Variants in PLXDC2 observed in about 807,000 individuals in gnomAD.
The protein encoded by PLXDC2 is plexin domain-containing protein 2.
In PLXDC2, 40 loss-of-function variants were observed where a neutral mutation model predicts 68.9. The observed-to-expected ratio is 0.58, with a 90% confidence interval of 0.45 to 0.76. PLXDC2 has a LOEUF of 0.76. Among genes scored for constraint, PLXDC2 ranks in the 30% least tolerant of loss-of-function variants. The pLI, the probability that PLXDC2 is intolerant of heterozygous loss-of-function variation, is 0.00. For missense variants in PLXDC2, 644 were observed against 661.9 expected, an observed-to-expected ratio of 0.97 and a Z score of 0.30; for synonymous variants, 243 against 234.2, an observed-to-expected ratio of 1.04 and a Z score of -0.34.
chr10:20,157,106 A>C (rs1199201829), intron 6 of PLXDC2, among the ~76,000 whole-genome samples: 1 of 152,224 alleles, frequency 6.6e-6, no homozygotes. Context: ...ACTCTTAAAA[A>C]TTAGATTCAC....
At chr10:19,987,860 G>A (rs369002016) in intron 1 of PLXDC2, among the ~76,000 whole-genome samples, 3 of 152,008 alleles carry the variant, frequency 2.0e-5, no homozygotes, top group South Asian at 2.1e-4. Context: ...GAGCTACCGC[G>A]CCCAGCCGAT....
chr10:19,954,664 C>A (rs1834040160), intron 1 of PLXDC2, among the ~76,000 whole-genome samples: 1 of 152,030 alleles, frequency 6.6e-6, no homozygotes, highest in South Asian at 2.1e-4. Flanking sequence ...GTTCTATTTC[C>A]ATTTATTGAT....
chr10:19,861,117 C>T (rs1417124399), intron 1 of PLXDC2, among the ~76,000 whole-genome samples: 1 of 151,746 alleles, frequency 6.6e-6, no homozygotes, highest in African/African-American at 2.4e-5. Context: ...TCACTGCAAC[C>T]TCTGCCTCCC....
At chr10:19,959,973 A>T (rs1382185296) in intron 1 of PLXDC2, among the ~76,000 whole-genome samples, 2 of 152,172 alleles carry the variant, frequency 1.3e-5, no homozygotes, top group African/African-American at 4.8e-5. Flanking sequence ...AATCCACAGC[A>T]TCTTTGAGTC....
intron 1 of PLXDC2, among the ~76,000 whole-genome samples, chr10:19,964,161 A>T (rs993457902): frequency 1.3e-5 from 2 of 152,234 alleles, no homozygotes; most frequent in Non-Finnish European, 2.9e-5. Context: ...GGCTATTCCC[A>T]CCATGGCTGA....
chr10:20,145,710 C>T (rs534215153), intron 5 of PLXDC2, among the ~76,000 whole-genome samples: 6 of 152,032 alleles, frequency 3.9e-5, no homozygotes, highest in South Asian at 2.1e-4. Flanking sequence ...CCACCACGCC[C>T]GGCTAATTTT....
At chr10:19,874,642 T>G (rs991689191) in intron 1 of PLXDC2, among the ~76,000 whole-genome samples, 1 of 152,218 alleles carries the variant, frequency 6.6e-6, no homozygotes, top group East Asian at 1.9e-4. Flanking sequence ...ATGCGTTGGA[T>G]GCAGACAAGC....
intron 9 of PLXDC2, among the ~76,000 whole-genome samples, chr10:20,185,493 G>A (rs1290974694): frequency 6.6e-6 from 1 of 151,954 alleles, no homozygotes; most frequent in Non-Finnish European, 1.5e-5. Context: ...TTTTAAGATT[G>A]AAAGGAGAGA....
intron 1 of PLXDC2, among the ~76,000 whole-genome samples, chr10:19,855,558 G>A (rs1273181761): frequency 6.6e-6 from 1 of 152,056 alleles, no homozygotes; most frequent in African/African-American, 2.4e-5. Context: ...ATATTTTTCA[G>A]ATTTTGGAAT....
At chr10:20,218,935 C>T (rs552170479) in intron 11 of PLXDC2, 129 bp from the exon 12 acceptor site, 2 of 991,878 alleles carry the variant, frequency 2.0e-6, no homozygotes, top group Admixed American at 3.1e-5. Flanking sequence ...CTAGAAATTA[C>T]CACAATAAAT....
Position 20,001,780 on chromosome 10 carries a change from C to G in PLXDC2, c.118C>G (p.Gln40Glu). ...TTTCTTTCTTTTTCAAACAGATTGG[C>G]AGTATGGAGTTACTCAGGCCTTCCC... is the stretch of plus-strand genomic sequence containing the variant. ...GKPGDQILDW[Q>E]YGVTQAFPHT... The change falls in exon 2 of 14, where the codon CAG becomes GAG. Residue 40 changes from glutamine (Q) to glutamate (E), a missense_variant. Gln to Glu is a conservative substitution (Grantham distance 29). Around this residue, in one of 3 missense-constraint regions of PLXDC2, gnomAD observed 201 missense variants for 166.9 expected, o/e 1.20. Coordinates refer to ENST00000377252, the MANE Select transcript of PLXDC2 (RefSeq NM_032812.9). 6.2e-7 allele frequency: 1 copy of G among 1,613,782 alleles called. No homozygotes were observed.
At chr10:19,826,181 A>C (rs1022810772) in intron 1 of PLXDC2, among the ~76,000 whole-genome samples, 5 of 152,124 alleles carry the variant, frequency 3.3e-5, no homozygotes, top group Admixed American at 6.5e-5. Context: ...CAACCTCCTA[A>C]TTATTTTGCC....
intron 9 of PLXDC2, among the ~76,000 whole-genome samples, chr10:20,201,199 C>T (rs1444786206): frequency 2.0e-5 from 3 of 152,016 alleles, no homozygotes; most frequent in Admixed American, 1.3e-4. Flanking sequence ...ACTGTTCAGC[C>T]TTATAAAGAA....
intron 1 of PLXDC2, among the ~76,000 whole-genome samples, chr10:19,882,766 A>T (rs953672347): frequency 2.5e-4 from 38 of 152,212 alleles, no homozygotes; most frequent in Non-Finnish European, 5.1e-4. Context: ...ATTGCCCAAC[A>T]TTCTGACAAG....
intron 2 of PLXDC2, among the ~76,000 whole-genome samples, chr10:20,018,500 G>A (rs190292320): frequency 7.9e-5 from 12 of 152,264 alleles, no homozygotes; most frequent in African/African-American, 2.2e-4. Flanking sequence ...ATTTTGAAGA[G>A]AGTTTCCAAG....
rs192064756 is a variant in PLXDC2 at position 20,187,295 on chromosome 10, C to G, written c.1061+9886C>G. On this transcript the variant is annotated intron_variant, in intron 9 of 13. Transcript: ENST00000377252. ...CTGATATTCCTTAAAGCTGAATGGA[C>G]CCAATTTCAGTAGTTCTCAAAATTT... Among the ~76,000 whole-genome samples, 93 of 151,778 alleles carry G rather than the reference C, an allele frequency of 6.1e-4. 1 individual carries two copies. Among genetic ancestry groups the G allele is most frequent in the Admixed American group, 5.3e-3 (80 of 15,190 alleles).
intron 1 of PLXDC2, among the ~76,000 whole-genome samples, chr10:19,942,469 TAA>T (rs1833835160): frequency 6.6e-6 from 1 of 152,140 alleles, no homozygotes; most frequent in African/African-American, 2.4e-5. Flanking sequence ...CATTTCTCAT[TAA>T]ATCTAATTGG....
At chr10:20,099,775 G>C (rs1833398119) in intron 4 of PLXDC2, among the ~76,000 whole-genome samples, 1 of 151,982 alleles carries the variant, frequency 6.6e-6, no homozygotes, top group South Asian at 2.1e-4. Context: ...TGTTGCTAGG[G>C]AGATTCTTTT....
intron 1 of PLXDC2, among the ~76,000 whole-genome samples, chr10:19,882,792 G>A (rs1487279608): frequency 6.6e-6 from 1 of 152,144 alleles, no homozygotes; most frequent in African/African-American, 2.4e-5. Context: ...CGAAGATTAT[G>A]CCTTGAACAA....
Sources: allele counts gnomAD v4.1 joint callset (sites outside exome capture counted in the v4.1 genomes callset), GRCh38; gene constraint gnomAD v4.1.1; regional missense constraint gnomAD v4.1.1; transcripts MANE v1.5; gene names NCBI Gene and HGNC (gene_info 2026-07-23, HGNC 2026-07-21).